The following KIF6 variants were observed in gnomAD, a reference collection of about 807,000 sequenced individuals.
The protein encoded by KIF6 is kinesin-like protein KIF6.
KIF6 carries 106 observed loss-of-function variants against 112.7 expected under a neutral mutation model. That is an observed-to-expected ratio of 0.94 (90% CI 0.80 to 1.11). The LOEUF (loss-of-function observed/expected upper bound fraction) is 1.11, where lower values mean the gene tolerates loss of function less well. KIF6 is among the 50% of genes least tolerant of loss of function. The pLI is 0.00. For missense variants in KIF6, 929 were observed against 964.0 expected (o/e 0.96, Z 0.48); for synonymous variants, 339 against 339.9 (o/e 1.00, Z 0.03).
chr6:39,529,314 C>T (rs1158438563), intron 13 of KIF6, among the ~76,000 whole-genome samples: 2 of 152,012 alleles, frequency 1.3e-5, no homozygotes, highest in African/African-American at 4.8e-5. Context: ...AATGGGGTTA[C>T]ATAAAAATAA....
chr6:39,495,205 CTG>C (rs1373900889), intron 13 of KIF6, among the ~76,000 whole-genome samples: 1 of 152,194 alleles, frequency 6.6e-6, no homozygotes, highest in Non-Finnish European at 1.5e-5. Context: ...GGAGGGGTAA[CTG>C]TGGAGGACTC....
intron 19 of KIF6, among the ~76,000 whole-genome samples, chr6:39,349,693 A>C (rs1400593684): frequency 8.5e-6 from 1 of 118,168 alleles, no homozygotes; most frequent in Non-Finnish European, 1.6e-5. Flanking sequence ...TCCAGGCTAG[A>C]GTGCTGTGGT....
intron 16 of KIF6, among the ~76,000 whole-genome samples, chr6:39,383,015 C>CT (rs1258085157): frequency 3.6e-5 from 5 of 140,064 alleles, no homozygotes; most frequent in Admixed American, 6.9e-5. Flanking sequence ...TAATAGGGTT[C>CT]TTTTTTTCTT....
chr6:39,507,289 G>A (rs1388861655), intron 13 of KIF6, among the ~76,000 whole-genome samples: 2 of 152,144 alleles, frequency 1.3e-5, no homozygotes, highest in African/African-American at 4.8e-5. Flanking sequence ...GAGAACTGGA[G>A]AATTGCTAGG....
At chr6:39,649,693 A>T (rs544355192) in intron 3 of KIF6, among the ~76,000 whole-genome samples, 3 of 151,808 alleles carry the variant, frequency 2.0e-5, no homozygotes, top group Non-Finnish European at 4.4e-5. Flanking sequence ...AAAGTGACTC[A>T]GATAAATGGT....
At chr6:39,479,041 T>C (rs1774628717) in intron 13 of KIF6, among the ~76,000 whole-genome samples, 1 of 152,192 alleles carries the variant, frequency 6.6e-6, no homozygotes, top group African/African-American at 2.4e-5. Context: ...TTTCTCCCAG[T>C]ATGTGTGTTG....
At chr6:39,394,978 T>A (rs907101229) in intron 15 of KIF6, among the ~76,000 whole-genome samples, 2 of 152,236 alleles carry the variant, frequency 1.3e-5, no homozygotes, top group Non-Finnish European at 2.9e-5. Flanking sequence ...TGGTAATTAA[T>A]GAACATTTCA....
intron 13 of KIF6, among the ~76,000 whole-genome samples, chr6:39,511,603 A>G (rs1319903377): frequency 6.6e-6 from 1 of 152,248 alleles, no homozygotes; most frequent in African/African-American, 2.4e-5. Flanking sequence ...TATATACCCA[A>G]AGGATTATAA....
At chr6:39,649,774 A>AAAGAAAGAAAGAAAGAAAGAAAGAAAGG (rs1554140924) in intron 3 of KIF6, among the ~76,000 whole-genome samples, 10 of 98,138 alleles carry the variant, frequency 1.0e-4, no homozygotes, top group African/African-American at 4.0e-4. Context: ...AGAAAGAAAG[A>AAAGAAAGAAAGAAAGAAAGAAAGAAAGG]AAAGAAACTA....
intron 13 of KIF6, among the ~76,000 whole-genome samples, chr6:39,471,141 C>T (rs572331386): frequency 2.0e-5 from 3 of 152,258 alleles, no homozygotes; most frequent in Admixed American, 2.0e-4. Context: ...TCATTTCCTT[C>T]TCTCCTGTTC....
chr6:39,658,434 C>A (rs1044425237), intron 3 of KIF6, among the ~76,000 whole-genome samples: 2 of 152,042 alleles, frequency 1.3e-5, no homozygotes, highest in Admixed American at 1.3e-4. Flanking sequence ...AAAGGAAGTA[C>A]GAGATTTTTA....
At chr6:39,620,084 A>G (rs1263920025) in intron 5 of KIF6, among the ~76,000 whole-genome samples, 2 of 152,178 alleles carry the variant, frequency 1.3e-5, no homozygotes, top group African/African-American at 4.8e-5. Context: ...AATATTTTAG[A>G]TAATCAAAAA....
At chr6:39,511,432 T>C (rs905435455) in intron 13 of KIF6, among the ~76,000 whole-genome samples, 9 of 152,238 alleles carry the variant, frequency 5.9e-5, no homozygotes, top group Admixed American at 1.3e-4. Flanking sequence ...CATTAAAAAG[T>C]CAAGAAACAA....
chr6:39,364,421 C>CT (rs911375763), intron 16 of KIF6, among the ~76,000 whole-genome samples: 12 of 151,984 alleles, frequency 7.9e-5, no homozygotes, highest in African/African-American at 2.2e-4. Context: ...GCCCAGCCCC[C>CT]TTTTTTTTCT....
At chr6:39,582,536 G>A (rs1781350689) in intron 9 of KIF6, among the ~76,000 whole-genome samples, 2 of 151,714 alleles carry the variant, frequency 1.3e-5, no homozygotes, top group African/African-American at 2.4e-5. Flanking sequence ...CTCAGCCTCC[G>A]GAGTAGCTGG....
At chr6:39,600,696 T>A (rs1448181091) in intron 6 of KIF6, among the ~76,000 whole-genome samples, 2 of 152,132 alleles carry the variant, frequency 1.3e-5, no homozygotes, top group African/African-American at 4.8e-5. Flanking sequence ...AATAGGTGTG[T>A]CCTAAGCTAT....
chr6:39,523,234 C>T (rs140941380), intron 13 of KIF6, among the ~76,000 whole-genome samples: 2 of 152,222 alleles, frequency 1.3e-5, no homozygotes, highest in Admixed American at 1.3e-4. Flanking sequence ...CCTACCGTGG[C>T]TGGCTTGGTC....
intron 5 of KIF6, chr6:39,617,672 C>A: frequency 2.2e-6 from 1 of 454,194 alleles, no homozygotes; most frequent in Admixed American, 2.4e-5. Flanking sequence ...CAGCATACTG[C>A]AACAATTTTC....
chr6:39,409,090 G>A (rs542155992), intron 15 of KIF6, among the ~76,000 whole-genome samples: 6 of 152,110 alleles, frequency 3.9e-5, no homozygotes, highest in Non-Finnish European at 8.8e-5. Flanking sequence ...TGTAGTAGGG[G>A]TATTATAATA....
Sources: allele counts gnomAD v4.1 joint callset (sites outside exome capture counted in the v4.1 genomes callset), GRCh38; gene constraint gnomAD v4.1.1; transcripts MANE v1.5; gene names NCBI Gene and HGNC (gene_info 2026-07-23, HGNC 2026-07-21).